PYGO1: variants seen among roughly 807,000 people sequenced by gnomAD.
The protein encoded by PYGO1 is pygopus homolog 1.
PYGO1 carries 6 observed loss-of-function variants against 29.5 expected under a neutral mutation model. The ratio of observed to expected loss-of-function variants is 0.20; its 90% CI spans 0.11 to 0.40. The LOEUF (loss-of-function observed/expected upper bound fraction) is 0.40. PYGO1 is among the 10% of genes least tolerant of loss of function. The probability of loss-of-function intolerance (pLI) is 1.00; values close to 1 mark genes in which losing one functional copy is unlikely to be tolerated. For missense variants in PYGO1, 515 were observed against 514.9 expected (o/e 1.00, Z 0.00); for synonymous variants, 186 against 180.5 (o/e 1.03, Z -0.24).
At position 55,540,078 on chromosome 15, in the gene PYGO1, T is replaced by C. The variant is rs1351106016; in HGVS notation, c.*5945A>G. 1 of 152,094 alleles carries C rather than the reference T, an allele frequency of 6.6e-6. No homozygotes were observed. The highest frequency in any genetic ancestry group is 2.1e-4 in the South Asian group (1 of 4,836). The allele number at this position is 152,094 out of a possible 1,614,324, so 9.4% of individuals were successfully genotyped here. The stretch of plus-strand genomic sequence containing the variant: ...TGACAAAATAAGAATGCTTTTAAAT[T>C]ACTATTCTTAAGTAAACACCTCTAA... On this transcript the variant is annotated 3_prime_UTR_variant, in exon 3 of 3. Transcript: ENST00000563719.
At chr15:55,566,601 A>C (rs1269100282) in intron 1 of PYGO1, among the ~76,000 whole-genome samples, 1 of 152,072 alleles carries the variant, frequency 6.6e-6, no homozygotes, top group African/African-American at 2.4e-5. Flanking sequence ...CAGTAAGGGG[A>C]TAGCTGGGTT....
At chr15:55,588,812 G>T (rs544381422), upstream of PYGO1, 1 of 1,613,942 alleles carries the variant, frequency 6.2e-7, no homozygotes, top group African/African-American at 1.3e-5. Flanking sequence ...ACCATGCGAG[G>T]AAACTTTGTA....
intron 1 of PYGO1, among the ~76,000 whole-genome samples, chr15:55,571,629 C>A (rs1337279791): frequency 7.9e-5 from 12 of 152,146 alleles, no homozygotes; most frequent in Non-Finnish European, 1.8e-4. Flanking sequence ...GTGACTTGCT[C>A]CACCTTGCTT....
At chr15:55,571,062 A>G (rs1221470922) in intron 1 of PYGO1, among the ~76,000 whole-genome samples, 2 of 144,298 alleles carry the variant, frequency 1.4e-5, no homozygotes, top group East Asian at 4.0e-4. Flanking sequence ...ATCTACTTTT[A>G]GCTTTTATGA....
intron 1 of PYGO1, among the ~76,000 whole-genome samples, chr15:55,552,361 C>CAAAAAAAAAAAAAAAAA (rs56789656): frequency 1.9e-5 from 1 of 53,016 alleles, no homozygotes; most frequent in Non-Finnish European, 4.4e-5. Flanking sequence ...ACTCTGTCTC[C>CAAAAAAAAAAAAAAAAA]AAAAAAAAAA....
chr15:55,564,546 A>T (rs1468877093), intron 1 of PYGO1, among the ~76,000 whole-genome samples: 1 of 152,148 alleles, frequency 6.6e-6, no homozygotes, highest in Non-Finnish European at 1.5e-5. Context: ...GCCAGAACAG[A>T]GAGGTGGAGC....
At chr15:55,566,286 A>G (rs1044522763) in intron 1 of PYGO1, among the ~76,000 whole-genome samples, 2 of 151,888 alleles carry the variant, frequency 1.3e-5, no homozygotes, top group African/African-American at 4.8e-5. Flanking sequence ...TGAGTAACCA[A>G]TGTTTAGCTC....
Position 55,588,266 on chromosome 15 carries a change from G to C in PYGO1, c.-383C>G, listed in dbSNP as rs1162425478. 6.7e-6 allele frequency among the ~76,000 whole-genome samples: 1 copy of C among 149,146 alleles called. No homozygotes were observed. The highest frequency in any genetic ancestry group is 1.5e-5 in the Non-Finnish European group (1 of 66,962). ...CGCTGACAGGGGAAGCAGGAGGCTCGCGGCCCGGCCCTGGCGGCACACTCA... is the reference window on the plus strand; with the variant it reads ...CGCTGACAGGGGAAGCAGGAGGCTCCCGGCCCGGCCCTGGCGGCACACTCA... On this transcript the variant is annotated 5_prime_UTR_variant, in exon 1 of 3. Transcript: ENST00000563719.
At chr15:55,581,815 A>G (rs2059025922) in intron 1 of PYGO1, among the ~76,000 whole-genome samples, 1 of 14,140 alleles carries the variant, frequency 7.1e-5, no homozygotes, top group African/African-American at 1.5e-4. Context: ...GGGGGAGGCC[A>G]TGAAACCAAT....
intron 1 of PYGO1, among the ~76,000 whole-genome samples, chr15:55,585,037 A>T (rs117733785): frequency 1.9e-4 from 29 of 152,356 alleles, no homozygotes; most frequent in East Asian, 1.7e-3. Context: ...TTTAATAAGC[A>T]TCACAAGTGA....
At chr15:55,568,709 T>C (rs1373747823) in intron 1 of PYGO1, among the ~76,000 whole-genome samples, 8 of 152,162 alleles carry the variant, frequency 5.3e-5, no homozygotes, top group Admixed American at 2.6e-4. Context: ...CTATACAGTA[T>C]GATGCTGGCT....
At chr15:55,570,085 GGTCA>G (rs1431534541) in intron 1 of PYGO1, among the ~76,000 whole-genome samples, 1 of 152,196 alleles carries the variant, frequency 6.6e-6, no homozygotes, top group Non-Finnish European at 1.5e-5. Flanking sequence ...CCAGTGGAAA[GGTCA>G]GTCAGAGAGA....
chr15:55,565,719 A>C (rs944237753), intron 1 of PYGO1, among the ~76,000 whole-genome samples: 12 of 151,768 alleles, frequency 7.9e-5, no homozygotes, highest in South Asian at 2.2e-4. Context: ...GTCTCCCCCA[A>C]AAAAAAACAA....
At chr15:55,553,263 G>GT in intron 1 of PYGO1, among the ~76,000 whole-genome samples, 1 of 152,262 alleles carries the variant, frequency 6.6e-6, no homozygotes, top group South Asian at 2.1e-4. Context: ...CTGGGGAAAG[G>GT]GGCAGCTGCT....
At chr15:55,555,568 A>G (rs1165205166) in intron 1 of PYGO1, among the ~76,000 whole-genome samples, 4 of 150,710 alleles carry the variant, frequency 2.7e-5, no homozygotes, top group Admixed American at 2.0e-4. Context: ...GATATACCTA[A>G]TGCTAAATGA....
rs1319278823 is a variant in PYGO1, at chr15:55,539,489, A to G, written c.*6534T>C. On this transcript the variant is annotated 3_prime_UTR_variant, in exon 3 of 3. Coordinates refer to ENST00000563719, the MANE Select transcript of PYGO1 (RefSeq NM_001367806.1). Reference sequence around the variant, plus strand: ...TCTAGTCATTTCATACTTTATTTAAATTTTTCCACAAAGCAGTTCATGAAT... The same window carrying G: ...TCTAGTCATTTCATACTTTATTTAAGTTTTTCCACAAAGCAGTTCATGAAT... 6.6e-6 allele frequency: 1 copy of G among 152,068 alleles called. No homozygotes were observed. Among genetic ancestry groups the G allele is most frequent in the Non-Finnish European group, 1.5e-5 (1 of 67,960 alleles). The allele number at this position is 152,068 out of a possible 1,614,324, so 9.4% of individuals were successfully genotyped here.
In PYGO1 at chr15:55,544,385, A is replaced by C. The variant is rs764666091; in HGVS notation, c.*1638T>G. ...ATTGGGGAATGCATTGTTTCTTAGA[A>C]AAAGCTCCAAATGATAGACAGTAGT... On this transcript the variant is annotated 3_prime_UTR_variant, in exon 3 of 3. Coordinates refer to ENST00000563719, the MANE Select transcript of PYGO1 (RefSeq NM_001367806.1). The C allele has an allele frequency of 9.2e-5, 14 of 152,164 alleles. No homozygotes were observed. The highest frequency in any genetic ancestry group is 2.1e-4 in the Non-Finnish European group (14 of 68,032). 9.4% of individuals were successfully genotyped at this position (152,164 alleles called of 1,614,324 possible).
chr15:55,552,085 T>C (rs982825823), intron 1 of PYGO1, among the ~76,000 whole-genome samples: 7 of 152,016 alleles, frequency 4.6e-5, no homozygotes, highest in Non-Finnish European at 7.4e-5. Context: ...CCAGGCACAG[T>C]GGCTCACACC....
rs552218752 is a variant in PYGO1, at chr15:55,543,996, T to G, written c.*2027A>C. On this transcript the variant is annotated 3_prime_UTR_variant, in exon 3 of 3. Coordinates refer to ENST00000563719, the MANE Select transcript of PYGO1 (RefSeq NM_001367806.1). ...CCTGTCAGCCCAAAATACTGCATTT[T>G]AACCTGCTTCAACTGGTAAAGTTTT... 9.0e-4 allele frequency: 137 copies of G among 152,324 alleles called. 1 individual carries two copies. Among genetic ancestry groups the G allele is most frequent in the African/African-American group, 3.1e-3 (128 of 41,572 alleles). The allele number at this position is 152,324 out of a possible 1,614,324, so 9.4% of individuals were successfully genotyped here.
Sources: gnomAD v4.1 joint callset for allele counts (sites outside exome capture counted in the v4.1 genomes callset) on GRCh38, gnomAD v4.1.1 for gene constraint, MANE v1.5 for transcripts, NCBI Gene and HGNC (gene_info 2026-07-23, HGNC 2026-07-21) for gene names.